CDH12: variants seen among roughly 807,000 people sequenced by gnomAD.
CDH12 encodes the protein cadherin 12.
A neutral mutation model predicts 74.1 loss-of-function variants in CDH12; 41 were observed. That is an observed-to-expected ratio of 0.55 (90% CI 0.43 to 0.72). The LOEUF is 0.72. Among genes scored for constraint, CDH12 ranks in the 30% least tolerant of loss-of-function variants. The pLI is 0.00. For missense variants in CDH12, 945 were observed against 977.2 expected (o/e 0.97, Z 0.44); for synonymous variants, 399 against 355.0 (o/e 1.12, Z -1.39).
chr5:21,779,587 T>A (rs922752121), intron 11 of CDH12: 4 of 152,232 alleles, frequency 2.6e-5, no homozygotes, highest in African/African-American at 4.8e-5. Flanking sequence ...CAACACTGAT[T>A]AATGACTGCT....
chr5:21,792,637 G>A (rs1156497810), intron 10 of CDH12, among the ~76,000 whole-genome samples: 1 of 132,520 alleles, frequency 7.5e-6, no homozygotes. Flanking sequence ...AGTCATACAC[G>A]GTTTCTTACG....
chr5:22,543,088 C>G (rs1738174684), intron 1 of CDH12, among the ~76,000 whole-genome samples: 1 of 152,028 alleles, frequency 6.6e-6, no homozygotes, highest in South Asian at 2.1e-4. Flanking sequence ...ATTCTCTATT[C>G]TAGTTTACTG....
In CDH12 at chr5:22,119,958, CTT is replaced by C. The variant is rs575937855; in HGVS notation, c.-186-41098_-186-41097del. On this transcript the variant is annotated intron_variant, in intron 4 of 14. Transcript: ENST00000382254. ...GACAATTTGCATGTGAACAAGAAAACTTCATTCCACAAAGAAAAAGGGTTGTT... is the reference window on the plus strand; with the variant it reads ...GACAATTTGCATGTGAACAAGAAAACCATTCCACAAAGAAAAAGGGTTGTT... Among the ~76,000 whole-genome samples, 21 of 152,242 alleles carry C rather than the reference CTT, an allele frequency of 1.4e-4. No individual in the cohort carries two copies. The East Asian group carries it at 3.3e-3, about 24-fold the overall frequency.
intron 4 of CDH12, among the ~76,000 whole-genome samples, chr5:22,162,334 G>C (rs1275512403): frequency 1.2e-4 from 19 of 152,056 alleles, no homozygotes; most frequent in Admixed American, 1.0e-3. Flanking sequence ...CCAGGATAAA[G>C]AACTGCCCTC....
intron 5 of CDH12, among the ~76,000 whole-genome samples, chr5:21,975,627 A>C (rs1757038890): frequency 6.6e-6 from 1 of 152,182 alleles, no homozygotes; most frequent in African/African-American, 2.4e-5. Context: ...CTATACATCC[A>C]AACATTCCTC....
intron 2 of CDH12, among the ~76,000 whole-genome samples, chr5:22,451,586 T>C (rs1745046490): frequency 6.6e-6 from 1 of 151,950 alleles, no homozygotes; most frequent in South Asian, 2.1e-4. Context: ...AGGCCACATA[T>C]GACAAAACCA....
At chr5:22,468,587 T>C (rs966012159) in intron 2 of CDH12, among the ~76,000 whole-genome samples, 1 of 152,178 alleles carries the variant, frequency 6.6e-6, no homozygotes, top group Non-Finnish European at 1.5e-5. Context: ...AAACATTGTA[T>C]ACTAAGTAGT....
intron 3 of CDH12, among the ~76,000 whole-genome samples, chr5:22,397,560 T>C (rs376664252): frequency 3.9e-5 from 6 of 152,094 alleles, no homozygotes; most frequent in Non-Finnish European, 7.4e-5. Context: ...GGATTGACAT[T>C]ACAGACTAGA....
At chr5:22,392,696 A>C (rs1452501658) in intron 3 of CDH12, among the ~76,000 whole-genome samples, 1 of 152,224 alleles carries the variant, frequency 6.6e-6, no homozygotes, top group African/African-American at 2.4e-5. Flanking sequence ...AAAGCACAGC[A>C]GAATGCATTG....
At chr5:22,440,768 G>A (rs978118276) in intron 2 of CDH12, among the ~76,000 whole-genome samples, 5 of 151,958 alleles carry the variant, frequency 3.3e-5, no homozygotes, top group Non-Finnish European at 1.5e-5. Flanking sequence ...TTGTTAGAAC[G>A]CTTATAGTTA....
intron 2 of CDH12, among the ~76,000 whole-genome samples, chr5:22,425,075 T>G (rs867610657): frequency 1.3e-3 from 164 of 124,838 alleles, no homozygotes; most frequent in East Asian, 0.012. Context: ...TATATATATA[T>G]ATAGAGAGAG....
At chr5:22,472,744 C>T (rs1580685074) in intron 2 of CDH12, among the ~76,000 whole-genome samples, 2 of 152,198 alleles carry the variant, frequency 1.3e-5, no homozygotes, top group African/African-American at 2.4e-5. Flanking sequence ...TTTTACCACA[C>T]CCAGAAACAT....
chr5:22,508,658 C>T (rs1736490073), intron 1 of CDH12, among the ~76,000 whole-genome samples: 2 of 152,164 alleles, frequency 1.3e-5, no homozygotes, highest in Admixed American at 6.6e-5. Context: ...TTAACTTGAA[C>T]ATTTCCTTTC....
intron 4 of CDH12, among the ~76,000 whole-genome samples, chr5:22,198,994 C>A (rs1399885181): frequency 6.6e-6 from 1 of 151,866 alleles, no homozygotes; most frequent in Admixed American, 6.6e-5. Flanking sequence ...CTTTCAATAA[C>A]CTCAAACTAC....
intron 3 of CDH12, among the ~76,000 whole-genome samples, chr5:22,241,456 GT>G (rs987465156): frequency 1.3e-5 from 2 of 151,588 alleles, no homozygotes; most frequent in Non-Finnish European, 2.9e-5. Context: ...TGTTTAAATT[GT>G]TTTTTTATTC....
intron 1 of CDH12, among the ~76,000 whole-genome samples, chr5:22,736,725 C>A (rs1276091796): frequency 6.6e-6 from 1 of 151,868 alleles, no homozygotes; most frequent in Non-Finnish European, 1.5e-5. Context: ...AACACACACA[C>A]ACACACACAA....
intron 3 of CDH12, among the ~76,000 whole-genome samples, chr5:22,231,873 C>A (rs1283173523): frequency 6.6e-6 from 1 of 151,920 alleles, no homozygotes; most frequent in Non-Finnish European, 1.5e-5. Context: ...AATCTTATTT[C>A]ATAGAAAGTT....
At chr5:22,750,000 C>T (rs936687611) in intron 1 of CDH12, among the ~76,000 whole-genome samples, 4 of 152,136 alleles carry the variant, frequency 2.6e-5, no homozygotes, top group African/African-American at 7.2e-5. Context: ...ATTCCTTAAC[C>T]GTTTAGTCTT....
chr5:22,304,937 T>C lies in CDH12; in HGVS notation c.-332-92294A>G, dbSNP rs1738038154. The stretch of plus-strand genomic sequence containing the variant: ...GACTTCAATTTGGACTTGTCTGCTG[T>C]AAACCTTCGAAAATACTAGAAGGCC... On this transcript the variant is annotated intron_variant, in intron 3 of 14. Coordinates refer to ENST00000382254, the MANE Select transcript of CDH12 (RefSeq NM_004061.5). 2.0e-5 allele frequency among the ~76,000 whole-genome samples: 3 copies of C among 152,194 alleles called. No individual in the cohort carries two copies. In the South Asian group the frequency reaches 6.2e-4, roughly 31 times the overall value.
Sources: gnomAD v4.1 joint callset for allele counts (sites outside exome capture counted in the v4.1 genomes callset) on GRCh38, gnomAD v4.1.1 for gene constraint, MANE v1.5 for transcripts, NCBI Gene and HGNC (gene_info 2026-07-23, HGNC 2026-07-21) for gene names.